DEXI: variants seen among roughly 807,000 people sequenced by gnomAD.
The protein encoded by DEXI is Dexi homolog.
A neutral mutation model predicts 2.5 loss-of-function variants in DEXI; 2 were observed. The observed-to-expected ratio is 0.81, with a 90% CI of 0.33 to 2.55. The LOEUF is 2.55. DEXI is among the 30% of genes most tolerant of loss of function. The pLI is 0.11. For missense variants in DEXI, 108 were observed against 130.3 expected (o/e 0.83, Z 0.83); for synonymous variants, 71 against 68.7 (o/e 1.03, Z -0.17).
At chr16:10,933,325 TAAG>T (rs2040878814) in intron 1 of DEXI, 1 of 152,304 alleles carries the variant, frequency 6.6e-6, no homozygotes, top group African/African-American at 2.4e-5. Flanking sequence ...GTGGCTTAAG[TAAG>T]AAGATGGCCC....
In DEXI at chr16:10,940,367, G is replaced by C. The variant is rs142181445; in HGVS notation, c.*149+1202C>G. 4 of 152,392 alleles carry C rather than the reference G, an allele frequency of 2.6e-5. No homozygotes were observed. The East Asian group carries it at 7.7e-4, about 29-fold the overall frequency. The allele number at this position is 152,392 out of a possible 1,614,324, so 9.4% of individuals were successfully genotyped here. A position where few individuals can be genotyped will look rare whatever the true frequency, so the allele number is the denominator to read the frequency against. On this transcript the variant is annotated intron_variant, in intron 1 of 1. Coordinates refer to ENST00000331808, the MANE Select transcript of DEXI (RefSeq NM_014015.4). This position sits in a 1 kb window ranked among gnomAD's most constrained non-coding sequence, Gnocchi z 4.2. ...CTATGGTGTTCTGTTATAGCAGACT[G>C]AACTAAGACACCCTCTGCCTGTGGT...
At position 10,942,436 on chromosome 16, in the gene DEXI, T is replaced by C. The variant is rs891431055; in HGVS notation, c.-431A>G. On this transcript the variant is annotated 5_prime_UTR_variant, in exon 1 of 2. Coordinates refer to ENST00000331808, the MANE Select transcript of DEXI (RefSeq NM_014015.4). This position sits in a 1 kb window ranked among gnomAD's most constrained non-coding sequence, Gnocchi z 5.0. ...CCCCCGCAGGCCCAGCACCCATGGC[T>C]GCGGCCGCCGCGTAGCCCTCCCGGT... The C allele has an allele frequency of 1.3e-5, 2 of 154,530 alleles. No homozygotes were observed. Among genetic ancestry groups the C allele is most frequent in the African/African-American group, 2.4e-5 (1 of 41,428 alleles). 9.6% of individuals were successfully genotyped at this position (154,530 alleles called of 1,614,324 possible). A position where few individuals can be genotyped will look rare whatever the true frequency, so the allele number is the denominator to read the frequency against.
rs2041045402 is a variant in DEXI at position 10,937,505 on chromosome 16, G to C, written c.*149+4064C>G. The C allele has an allele frequency of 6.6e-6, 1 of 152,264 alleles. No individual in the cohort carries two copies. The highest frequency in any genetic ancestry group is 1.5e-5 in the Non-Finnish European group (1 of 68,088). 9.4% of individuals were successfully genotyped at this position (152,264 alleles called of 1,614,324 possible). On this transcript the variant is annotated intron_variant, in intron 1 of 1. Coordinates refer to ENST00000331808, the MANE Select transcript of DEXI (RefSeq NM_014015.4). This position sits in a 1 kb window ranked among gnomAD's most constrained non-coding sequence, Gnocchi z 4.2. ...GATAACTGAAGCCTAGGAAATCCTG[G>C]AATAAGATAGACCAATGCATCGATA...
At chr16:10,936,072 C>G (rs542498760) in intron 1 of DEXI, 2 of 151,728 alleles carry the variant, frequency 1.3e-5, no homozygotes, top group Non-Finnish European at 2.9e-5. Context: ...CTCACTGCAG[C>G]CTTGAACTCC....
rs1044585158 is a variant in DEXI, at chr16:10,942,250, C to A, written c.-245G>T. 6 of 363,450 alleles carry A rather than the reference C, an allele frequency of 1.7e-5. No homozygotes were observed. The highest frequency in any genetic ancestry group is 4.3e-5 in the African/African-American group (2 of 46,080). The allele number at this position is 363,450 out of a possible 1,614,324, so 22.5% of individuals were successfully genotyped here. A position where few individuals can be genotyped will look rare whatever the true frequency, so the allele number is the denominator to read the frequency against. ...CCGCCCGGGCGGCGAGGCGGGCCCC[C>A]CTGAAGTGGCCCGCGGCTGCCCGGC... On this transcript the variant is annotated 5_prime_UTR_variant, in exon 1 of 2. Transcript: ENST00000331808. This position sits in a 1 kb window ranked among gnomAD's most constrained non-coding sequence, Gnocchi z 5.0.
rs891552498 is a variant in DEXI at position 10,929,666 on chromosome 16, G to A, written c.*150-107C>T. 1.0e-4 allele frequency: 65 copies of A among 638,676 alleles called. No individual in the cohort carries two copies. The highest frequency in any genetic ancestry group is 1.1e-4 in the Non-Finnish European group (55 of 513,314). 39.6% of individuals were successfully genotyped at this position (638,676 alleles called of 1,614,324 possible). A position where few individuals can be genotyped will look rare whatever the true frequency, so the allele number is the denominator to read the frequency against. ...CCAGGCTCGGGAGGCTTGGGGTGGGGCAGGGAAGTCTTCCTCCATCCCTCA... is the reference window on the plus strand; with the variant it reads ...CCAGGCTCGGGAGGCTTGGGGTGGGACAGGGAAGTCTTCCTCCATCCCTCA... On this transcript the variant is annotated intron_variant, in intron 1 of 1. Coordinates refer to ENST00000331808, the MANE Select transcript of DEXI (RefSeq NM_014015.4). The surrounding 1 kb of genome is among the most constrained non-coding windows in gnomAD (Gnocchi z 4.3).
At chr16:10,935,524 T>G (rs1303624931) in intron 1 of DEXI, 3 of 152,212 alleles carry the variant, frequency 2.0e-5, no homozygotes, top group African/African-American at 7.2e-5. Flanking sequence ...AAAAAATAAA[T>G]TCACATAAAA....
intron 1 of DEXI, chr16:10,935,823 C>A (rs2041000837): frequency 6.6e-6 from 1 of 152,188 alleles, no homozygotes; most frequent in South Asian, 2.1e-4. Context: ...TTACAAAACA[C>A]CAGCCTTGTA....
At position 10,929,510 on chromosome 16, in the gene DEXI, G is replaced by T. The variant is rs573585294; in HGVS notation, c.*199C>A. ...CCCAATCTCTCTTCCACTCTCCTGGGTTCAAACAGGAACCTCTCTGTTGGC... is the reference window on the plus strand; with the variant it reads ...CCCAATCTCTCTTCCACTCTCCTGGTTTCAAACAGGAACCTCTCTGTTGGC... On this transcript the variant is annotated 3_prime_UTR_variant, in exon 2 of 2. Coordinates refer to ENST00000331808, the MANE Select transcript of DEXI (RefSeq NM_014015.4). The surrounding 1 kb of genome is among the most constrained non-coding windows in gnomAD (Gnocchi z 4.3). 1.9e-5 allele frequency: 19 copies of T among 985,624 alleles called. No individual in the cohort carries two copies. The African/African-American group carries it at 2.8e-4, about 14-fold the overall frequency. 61.1% of individuals were successfully genotyped at this position (985,624 alleles called of 1,614,324 possible). A position where few individuals can be genotyped will look rare whatever the true frequency, so the allele number is the denominator to read the frequency against.
At chr16:10,935,667 T>A (rs1309898964) in intron 1 of DEXI, 1 of 152,224 alleles carries the variant, frequency 6.6e-6, no homozygotes, top group Non-Finnish European at 1.5e-5. Context: ...AAAGTTAACA[T>A]CGCCAGAAAG....
chr16:10,930,342 T>TG (rs1438346495), intron 1 of DEXI: 1 of 152,232 alleles, frequency 6.6e-6, no homozygotes, highest in Non-Finnish European at 1.5e-5. Context: ...GGACAATTCT[T>TG]GGAGGTGGGG....
At chr16:10,933,371 T>A (rs2040881455) in intron 1 of DEXI, 1 of 152,328 alleles carries the variant, frequency 6.6e-6, no homozygotes, top group Non-Finnish European at 1.5e-5. Context: ...GGTGAGGCTC[T>A]GAAAGTGGTA....
chr16:10,938,145 T>C lies in DEXI; in HGVS notation c.*149+3424A>G, dbSNP rs2041054996. On this transcript the variant is annotated intron_variant, in intron 1 of 1. Coordinates refer to ENST00000331808, the MANE Select transcript of DEXI (RefSeq NM_014015.4). The surrounding 1 kb of genome is among the most constrained non-coding windows in gnomAD (Gnocchi z 4.9). ...TATACAAGGAGATCTAAGTGCTTTA[T>C]GTATATCTCACCTAATCCTCACAAC... 6.6e-6 allele frequency: 1 copy of C among 152,242 alleles called. No homozygotes were observed. The highest frequency in any genetic ancestry group is 1.5e-5 in the Non-Finnish European group (1 of 68,054). The allele number at this position is 152,242 out of a possible 1,614,324, so 9.4% of individuals were successfully genotyped here. A position where few individuals can be genotyped will look rare whatever the true frequency, so the allele number is the denominator to read the frequency against.
chr16:10,935,922 T>C (rs968770974), intron 1 of DEXI: 4 of 151,968 alleles, frequency 2.6e-5, no homozygotes, highest in African/African-American at 9.7e-5. Context: ...ATGCAAAAGC[T>C]GATCTGGGAT....
chr16:10,935,371 T>G (rs973592349), intron 1 of DEXI: 1 of 152,228 alleles, frequency 6.6e-6, no homozygotes, highest in African/African-American at 2.4e-5. Context: ...CAGTTGTTAA[T>G]CTCTTTTTAA....
In DEXI at chr16:10,938,863, A is replaced by G. The variant is rs2041064519; in HGVS notation, c.*149+2706T>C. ...CAGCGTTTGCTGCAAAATATGTCGA[A>G]GCATTTGGGATTCAGTTTTTAGTTC... On this transcript the variant is annotated intron_variant, in intron 1 of 1. Transcript: ENST00000331808. The surrounding 1 kb of genome is among the most constrained non-coding windows in gnomAD (Gnocchi z 4.9). 6.6e-6 allele frequency: 1 copy of G among 152,210 alleles called. No homozygotes were observed. Among genetic ancestry groups the G allele is most frequent in the Admixed American group, 6.5e-5 (1 of 15,290 alleles). The allele number at this position is 152,210 out of a possible 1,614,324, so 9.4% of individuals were successfully genotyped here.
rs1256541286 is a variant in DEXI, at chr16:10,937,961, T to G, written c.*149+3608A>C. ...CAGCTAGGCTAGACCTGGACCTCCC[T>G]GGCACTCAGGCAGCCTGTCCTCTTC... On this transcript the variant is annotated intron_variant, in intron 1 of 1. Coordinates refer to ENST00000331808, the MANE Select transcript of DEXI (RefSeq NM_014015.4). The surrounding 1 kb of genome is among the most constrained non-coding windows in gnomAD (Gnocchi z 4.2). 2.0e-5 allele frequency: 3 copies of G among 152,282 alleles called. No individual in the cohort carries two copies. Among genetic ancestry groups the G allele is most frequent in the African/African-American group, 4.8e-5 (2 of 41,456 alleles). The allele number at this position is 152,282 out of a possible 1,614,324, so 9.4% of individuals were successfully genotyped here. A position where few individuals can be genotyped will look rare whatever the true frequency, so the allele number is the denominator to read the frequency against.
At position 10,941,970 on chromosome 16, in the gene DEXI, T is replaced by A; in HGVS notation, c.36A>T (p.Ala12=). The change falls in exon 1 of 2, where the codon GCA becomes GCT. Residue 12 remains alanine (A), a synonymous_variant. Transcript: ENST00000331808. The surrounding 1 kb of genome is among the most constrained non-coding windows in gnomAD (Gnocchi z 6.4). ...LGARVAAHLD[A]LGPLVPYVPP... is the part of the protein sequence containing the mutation. ...GCACGTAGGGGACCAGGGGGCCCAG[T>A]GCGTCCAGGTGGGCCGCGACCCGGG... The A allele has an allele frequency of 6.5e-7, 1 of 1,529,332 alleles. No homozygotes were observed. The highest frequency in any genetic ancestry group is 8.8e-7 in the Non-Finnish European group (1 of 1,138,978). The allele number at this position is 1,529,332 out of a possible 1,614,324, so 94.7% of individuals were successfully genotyped here. A position where few individuals can be genotyped will look rare whatever the true frequency, so the allele number is the denominator to read the frequency against.
chr16:10,936,786 C>T (rs1456259969), intron 1 of DEXI: 1 of 152,184 alleles, frequency 6.6e-6, no homozygotes, highest in East Asian at 1.9e-4. Flanking sequence ...TGGCTTTGTT[C>T]CCTCGGCCTC....
Sources: allele counts gnomAD v4.1 joint callset, GRCh38; gene constraint gnomAD v4.1.1; non-coding constraint Gnocchi (gnomAD v3.1); transcripts MANE v1.5; gene names NCBI Gene and HGNC (gene_info 2026-07-23, HGNC 2026-07-21).